The following ABI3BP variants were observed in gnomAD, a reference collection of about 807,000 sequenced individuals.
ABI3BP encodes target of Nesh-SH3.
In ABI3BP, 216 loss-of-function variants were observed where a neutral mutation model predicts 268.6. That is an observed-to-expected ratio of 0.80 (90% confidence interval 0.72 to 0.90). The LOEUF is 0.90. Among genes scored for constraint, ABI3BP ranks in the 40% least tolerant of loss-of-function variants. The pLI, the probability that ABI3BP is intolerant of heterozygous loss-of-function variation, is 0.00. For missense variants in ABI3BP, 2,090 were observed against 2,182.4 expected, an observed-to-expected ratio of 0.96 and a Z score of 0.84; for synonymous variants, 730 against 730.0, an observed-to-expected ratio of 1.00 and a Z score of 0.00.
intron 2 of ABI3BP, among the ~76,000 whole-genome samples, chr3:100,924,963 C>T (rs1529955): frequency 0.26 from 39,323 of 151,896 alleles, 5,586 homozygotes; most frequent in East Asian, 0.42. Context: ...ACACGGCTTC[C>T]GGTCACTTTT....
rs371867026 is a variant in ABI3BP, at chr3:100,765,977, C to T, written c.4742-28G>A. 4.6e-6 allele frequency: 7 copies of T among 1,526,284 alleles called. No homozygotes were observed. In the Admixed American group the frequency reaches 1.1e-4, roughly 24 times the overall value. The allele number at this position is 1,526,284 out of a possible 1,614,324, so 94.5% of individuals were successfully genotyped here. A position where few individuals can be genotyped will look rare whatever the true frequency, so the allele number is the denominator to read the frequency against. ...GTAAAGCGAAAGAAGCCAACAGATA[C>T]TTGTTTTTATTTCTTGGCTGACTTA... On this transcript the variant is annotated intron_variant, in intron 62 of 67. Transcript: ENST00000471714.
rs534861033 is a variant in ABI3BP at position 100,865,343 on chromosome 3, T to G, written c.989-436A>C. Among the ~76,000 whole-genome samples the G allele has an allele frequency of 9.6e-4, 146 of 152,322 alleles. 1 individual carries two copies. The highest frequency in any genetic ancestry group is 2.9e-3 in the African/African-American group (122 of 41,576). On this transcript the variant is annotated intron_variant, in intron 10 of 67. Transcript: ENST00000471714. ...AAATGGGCAAATGAAAGGATGACTCTGGGCTAAAAGTCTTACTTAGAGCTA... is the reference window on the plus strand; with the variant it reads ...AAATGGGCAAATGAAAGGATGACTCGGGGCTAAAAGTCTTACTTAGAGCTA...
intron 29 of ABI3BP, among the ~76,000 whole-genome samples, chr3:100,834,363 C>T (rs1349936114): frequency 6.6e-6 from 1 of 152,100 alleles, no homozygotes; most frequent in Non-Finnish European, 1.5e-5. Context: ...TACAAACGTT[C>T]AAAATGTGTG....
intron 59 of ABI3BP, among the ~76,000 whole-genome samples, chr3:100,777,428 C>A (rs1477760713): frequency 6.6e-6 from 1 of 152,158 alleles, no homozygotes; most frequent in African/African-American, 2.4e-5. Context: ...TTTGTTATTA[C>A]TCATCAAATA....
Position 100,960,264 on chromosome 3 carries a change from G to C in ABI3BP, c.79+33042C>G, listed in dbSNP as rs569328458. Among the ~76,000 whole-genome samples the C allele has an allele frequency of 2.0e-5, 3 of 152,254 alleles. No homozygotes were observed. In the South Asian group the frequency reaches 6.2e-4, roughly 32 times the overall value. On this transcript the variant is annotated intron_variant, in intron 1 of 67. Transcript: ENST00000471714. ...TTTTTTAAAGTAGGGCATTCAAGAG[G>C]GGTAGTATGAACCAGTGCAACATGC... is the stretch of plus-strand genomic sequence containing the variant.
chr3:100,794,808 T>G, intron 54 of ABI3BP, 115 bp downstream of exon 54: 1 of 736,904 alleles, frequency 1.4e-6, no homozygotes, highest in Non-Finnish European at 2.3e-6. Flanking sequence ...GTGAAATGGA[T>G]TTTTAAATAA....
chr3:100,882,496 C>T (rs2039871584), intron 6 of ABI3BP, among the ~76,000 whole-genome samples: 1 of 150,960 alleles, frequency 6.6e-6, no homozygotes, highest in South Asian at 2.1e-4. Flanking sequence ...AATAAACCTT[C>T]TCAAAGAAGG....
At chr3:100,950,281 T>G (rs1273030262) in intron 1 of ABI3BP, among the ~76,000 whole-genome samples, 1 of 152,202 alleles carries the variant, frequency 6.6e-6, no homozygotes, top group Admixed American at 6.5e-5. Flanking sequence ...ATACAATAGT[T>G]TTTTAAAATG....
At chr3:100,888,779 G>A (rs2043124263) in intron 4 of ABI3BP, among the ~76,000 whole-genome samples, 1 of 148,982 alleles carries the variant, frequency 6.7e-6, no homozygotes, top group Non-Finnish European at 1.5e-5. Flanking sequence ...GTTGATACTT[G>A]TATATTATAG....
intron 3 of ABI3BP, among the ~76,000 whole-genome samples, chr3:100,901,305 A>C (rs1245701870): frequency 6.6e-6 from 1 of 152,216 alleles, no homozygotes; most frequent in Non-Finnish European, 1.5e-5. Context: ...TTTCTGATTT[A>C]AGCTATTTAG....
chr3:100,820,649 C>G (rs938096674), intron 39 of ABI3BP, among the ~76,000 whole-genome samples: 20 of 152,064 alleles, frequency 1.3e-4, no homozygotes, highest in African/African-American at 4.8e-4. Flanking sequence ...ATGAAAATGT[C>G]AATCAGAGAA....
intron 2 of ABI3BP, among the ~76,000 whole-genome samples, chr3:100,915,218 C>T (rs981386627): frequency 1.3e-5 from 2 of 152,122 alleles, no homozygotes; most frequent in Non-Finnish European, 2.9e-5. Flanking sequence ...TACTCTTATC[C>T]CCCAACCCAC....
chr3:100,784,051 A>T (rs1308618970), intron 57 of ABI3BP, among the ~76,000 whole-genome samples: 2 of 152,176 alleles, frequency 1.3e-5, no homozygotes, highest in Non-Finnish European at 2.9e-5. Flanking sequence ...CTTGGGGTAC[A>T]GCAATGTCTA....
chr3:100,905,952 A>T (rs2053227442), intron 2 of ABI3BP, among the ~76,000 whole-genome samples: 1 of 152,170 alleles, frequency 6.6e-6, no homozygotes, highest in African/African-American at 2.4e-5. Context: ...CATGTTTTTG[A>T]ACCAGGGGAC....
chr3:100,805,568 T>C (rs1431355200), intron 50 of ABI3BP, among the ~76,000 whole-genome samples: 1 of 152,058 alleles, frequency 6.6e-6, no homozygotes, highest in African/African-American at 2.4e-5. Flanking sequence ...CTCACCATAA[T>C]GTTGGGAGGA....
intron 14 of ABI3BP, among the ~76,000 whole-genome samples, chr3:100,852,377 T>G (rs780542218): frequency 9.9e-5 from 15 of 152,256 alleles, no homozygotes; most frequent in Non-Finnish European, 2.1e-4. Flanking sequence ...TAAAAGTTAC[T>G]GTTACAATAT....
intron 50 of ABI3BP, among the ~76,000 whole-genome samples, chr3:100,806,040 G>A (rs1392529694): frequency 1.3e-5 from 2 of 151,802 alleles, no homozygotes; most frequent in Non-Finnish European, 1.5e-5. Context: ...TATACACACT[G>A]GGATCTAAGA....
intron 2 of ABI3BP, among the ~76,000 whole-genome samples, chr3:100,912,419 GT>G: frequency 6.6e-6 from 1 of 151,244 alleles, no homozygotes; most frequent in Non-Finnish European, 1.5e-5. Flanking sequence ...TTGTTTCTTA[GT>G]TTTATATAAA....
chr3:100,774,633 A>G lies in ABI3BP; in HGVS notation c.4503T>C (p.Thr1501=). The G allele has an allele frequency of 6.3e-7, 1 of 1,587,598 alleles. No homozygotes were observed. The change falls in exon 61 of 68, where the codon ACT becomes ACC. Residue 1501 remains threonine, a synonymous_variant. Coordinates refer to ENST00000471714, the MANE Select transcript of ABI3BP (RefSeq NM_001375547.2). ...TGAATCTTGGCTTCCCAAGAGGATCAGTTTCTCTTGTTGGGCTTGAGCTAA... is the reference window on the plus strand; with the variant it reads ...TGAATCTTGGCTTCCCAAGAGGATCGGTTTCTCTTGTTGGGCTTGAGCTAA... The part of the protein sequence containing the change: ...TDFSSSPTRE[T]DPLGKPRFKG...
Sources: allele counts gnomAD v4.1 joint callset (sites outside exome capture counted in the v4.1 genomes callset), GRCh38; gene constraint gnomAD v4.1.1; transcripts MANE v1.5; gene names NCBI Gene and HGNC (gene_info 2026-07-23, HGNC 2026-07-21).